Variants in FMNL2 observed in about 807,000 individuals in gnomAD.
FMNL2 encodes formin-like protein 2.
A neutral mutation model predicts 130.2 loss-of-function variants in FMNL2; 51 were observed. The observed-to-expected ratio is 0.39, with a 90% confidence interval of 0.31 to 0.49. FMNL2 has a LOEUF of 0.49. Ranked by LOEUF, FMNL2 falls within the 20% of genes least tolerant of loss-of-function variation. The pLI is 0.85. For missense variants in FMNL2, 977 were observed against 1,316.2 expected, an observed-to-expected ratio of 0.74 and a Z score of 3.99; for synonymous variants, 465 against 467.1, an observed-to-expected ratio of 1.00 and a Z score of 0.06.
chr2:152,425,790 A>G (rs904142509), intron 1 of FMNL2, among the ~76,000 whole-genome samples: 3 of 152,182 alleles, frequency 2.0e-5, no homozygotes, highest in African/African-American at 7.2e-5. Context: ...TCAAGGTGTA[A>G]TGCCTTTGTG....
chr2:152,548,616 C>T (rs891879158), intron 3 of FMNL2, among the ~76,000 whole-genome samples: 2 of 152,178 alleles, frequency 1.3e-5, no homozygotes, highest in South Asian at 4.1e-4. Context: ...CACCTTTTCT[C>T]TTTGCTGATC....
intron 4 of FMNL2, among the ~76,000 whole-genome samples, chr2:152,553,281 G>A (rs1314639195): frequency 2.0e-5 from 3 of 152,066 alleles, no homozygotes; most frequent in African/African-American, 7.2e-5. Context: ...ATTCCTAGAT[G>A]GTACTTTTTT....
chr2:152,504,018 C>T lies in FMNL2; in HGVS notation c.118-17925C>T, dbSNP rs542896308. On this transcript the variant is annotated intron_variant, in intron 1 of 25. Transcript: ENST00000288670. ...CAGCCTGGTCAACATGACAAAATTC[C>T]GTTCTCTACTAAAAATACAAAAATT... 8.5e-5 allele frequency among the ~76,000 whole-genome samples: 13 copies of T among 152,268 alleles called. No individual in the cohort carries two copies. The South Asian group carries it at 2.5e-3, about 29-fold the overall frequency.
chr2:152,641,058 G>C lies in FMNL2; in HGVS notation c.3169+144G>C, dbSNP rs984898778. The C allele has an allele frequency of 7.5e-6, 8 of 1,072,962 alleles. No individual in the cohort carries two copies. In the African/African-American group the frequency reaches 1.3e-4, roughly 17 times the overall value. 66.5% of individuals were successfully genotyped at this position (1,072,962 alleles called of 1,614,324 possible). A position where few individuals can be genotyped will look rare whatever the true frequency, so the allele number is the denominator to read the frequency against. On this transcript the variant is annotated intron_variant, in intron 25 of 25. Transcript: ENST00000288670. The stretch of plus-strand genomic sequence containing the variant: ...ATTCACACCCAGAGTGATGCAGAGA[G>C]GCTTTGAAGTCCATTTACAGCAGCA...
chr2:152,579,016 G>T, intron 8 of FMNL2, 52 bp downstream of exon 8: 1 of 1,464,472 alleles, frequency 6.8e-7, no homozygotes, highest in Non-Finnish European at 9.5e-7. Flanking sequence ...GAAAACAGAG[G>T]GCTAGTCAAC....
intron 2 of FMNL2, among the ~76,000 whole-genome samples, chr2:152,531,557 C>T (rs1032990801): frequency 6.6e-6 from 1 of 151,998 alleles, no homozygotes; most frequent in Non-Finnish European, 1.5e-5. Flanking sequence ...TCATTGCAAC[C>T]TCCCCCTCCC....
At position 152,647,935 on chromosome 2, in the gene FMNL2, T is replaced by G. The variant is rs367975208; in HGVS notation, c.*30T>G. 89 of 1,540,034 alleles carry G rather than the reference T, an allele frequency of 5.8e-5. No individual in the cohort carries two copies. In the South Asian group the frequency reaches 1.0e-3, roughly 17 times the overall value. On this transcript the variant is annotated 3_prime_UTR_variant, in exon 26 of 26. Transcript: ENST00000288670. ...GAGACTGGCCTGCATGAATACAGGG[T>G]GTGCGTGAATGAAACTGCCCACATG...
chr2:152,649,200 A>G lies in FMNL2; in HGVS notation c.*1295A>G, dbSNP rs139450099. 2.3e-3 allele frequency: 352 copies of G among 152,528 alleles called. No homozygotes were observed. The highest frequency in any genetic ancestry group is 3.8e-3 in the Non-Finnish European group (258 of 67,988). The allele number at this position is 152,528 out of a possible 1,614,324, so 9.4% of individuals were successfully genotyped here. The stretch of plus-strand genomic sequence containing the variant: ...CTTGGTGAAGGTCCCTTTTCCTTGG[A>G]TGTGTAGTTATATGATCTTTTTAAA... On this transcript the variant is annotated 3_prime_UTR_variant, in exon 26 of 26. Transcript: ENST00000288670.
intron 1 of FMNL2, among the ~76,000 whole-genome samples, chr2:152,398,391 T>A (rs1477709887): frequency 6.6e-6 from 1 of 152,248 alleles, no homozygotes; most frequent in African/African-American, 2.4e-5. Context: ...ATGCGAGAAT[T>A]ATAAATTCTC....
At chr2:152,355,981 G>C (rs1682758987) in intron 1 of FMNL2, among the ~76,000 whole-genome samples, 1 of 152,134 alleles carries the variant, frequency 6.6e-6, no homozygotes, top group South Asian at 2.1e-4. Flanking sequence ...CCCCGAATTG[G>C]CACATCTCAT....
intron 2 of FMNL2, among the ~76,000 whole-genome samples, chr2:152,541,162 CT>C (rs1172293604): frequency 1.3e-5 from 2 of 151,516 alleles, no homozygotes; most frequent in East Asian, 1.9e-4. Context: ...CTTTTCTTTT[CT>C]TTTTTTTGTT....
At chr2:152,559,100 G>T (rs1189309000) in intron 5 of FMNL2, among the ~76,000 whole-genome samples, 1 of 152,200 alleles carries the variant, frequency 6.6e-6, no homozygotes, top group African/African-American at 2.4e-5. Flanking sequence ...TTACATATAT[G>T]GAAGAATAGT....
intron 1 of FMNL2, among the ~76,000 whole-genome samples, chr2:152,353,184 A>T (rs1682599110): frequency 1.3e-5 from 2 of 152,218 alleles, no homozygotes; most frequent in Admixed American, 1.3e-4. Flanking sequence ...TATGTTTATA[A>T]TGTGCTATAG....
intron 1 of FMNL2, among the ~76,000 whole-genome samples, chr2:152,405,881 TTAAAAC>T (rs1438120075): frequency 1.3e-5 from 2 of 152,226 alleles, no homozygotes; most frequent in African/African-American, 2.4e-5. Flanking sequence ...GGGTGGATAT[TTAAAAC>T]TACATATATT....
intron 9 of FMNL2, among the ~76,000 whole-genome samples, chr2:152,588,581 G>A (rs1004396164): frequency 2.6e-5 from 4 of 152,112 alleles, no homozygotes; most frequent in African/African-American, 9.7e-5. Flanking sequence ...ATCCTGGCGG[G>A]TAGGAGGAAC....
intron 1 of FMNL2, among the ~76,000 whole-genome samples, chr2:152,447,285 C>T (rs956730990): frequency 1.3e-5 from 2 of 151,996 alleles, no homozygotes; most frequent in African/African-American, 4.8e-5. Flanking sequence ...AAAGTTTTTA[C>T]AGAGATGAAG....
In FMNL2 at chr2:152,637,599, T is replaced by C; in HGVS notation, c.2871T>C (p.Tyr957=). ...ATGCCTTTGATGATGTTGTGAAGTA[T>C]TTTGGAGAAAACCCCAAGACAACAC... ...AQDAFDDVVK[Y]FGENPKTTPP... The change falls in exon 23 of 26, where the codon TAT becomes TAC. Residue 957 remains tyrosine, a synonymous_variant. Transcript: ENST00000288670. 1 of 1,614,004 alleles carries C rather than the reference T, an allele frequency of 6.2e-7. No homozygotes were observed. The highest frequency in any genetic ancestry group is 8.5e-7 in the Non-Finnish European group (1 of 1,179,870).
At chr2:152,417,963 A>C (rs982650644) in intron 1 of FMNL2, among the ~76,000 whole-genome samples, 1 of 152,034 alleles carries the variant, frequency 6.6e-6, no homozygotes, top group Non-Finnish European at 1.5e-5. Flanking sequence ...CTCATGCCTC[A>C]GCCTCCCGAG....
chr2:152,345,260 G>T (rs1271326230), intron 1 of FMNL2, among the ~76,000 whole-genome samples: 1 of 152,146 alleles, frequency 6.6e-6, no homozygotes. Flanking sequence ...GTTTTATTTT[G>T]GTGGGGAAGG....
Sources: gnomAD v4.1 joint callset for allele counts (sites outside exome capture counted in the v4.1 genomes callset) on GRCh38, gnomAD v4.1.1 for gene constraint, MANE v1.5 for transcripts, NCBI Gene and HGNC (gene_info 2026-07-23, HGNC 2026-07-21) for gene names.